Variants in GGCX observed in about 807,000 individuals in gnomAD.
The protein encoded by GGCX is gamma-glutamyl carboxylase.
In GGCX, 63 loss-of-function variants were observed where a neutral mutation model predicts 88.5. That is an observed-to-expected ratio of 0.71 (90% CI 0.58 to 0.88). The LOEUF (loss-of-function observed/expected upper bound fraction) is 0.88. Ranked by LOEUF, GGCX falls within the 40% of genes least tolerant of loss-of-function variation. The pLI, the probability that GGCX is intolerant of heterozygous loss-of-function variation, is 0.00. For synonymous variants in GGCX, 368 were observed against 365.8 expected, an observed-to-expected ratio of 1.01 and a Z score of -0.07; for missense variants, 805 against 932.9, an observed-to-expected ratio of 0.86 and a Z score of 1.79.
At chr2:85,550,787 T>A in intron 13 of GGCX, 37 bp from the exon 14 acceptor site, 1 of 1,597,892 alleles carries the variant, frequency 6.3e-7, no homozygotes, top group Non-Finnish European at 8.6e-7. Context: ...ATCACTGAGA[T>A]GGATCACTCT....
At position 85,560,801 on chromosome 2, in the gene GGCX, T is replaced by C. The variant is rs761943199; in HGVS notation, c.214+14A>G. 3.7e-6 allele frequency: 6 copies of C among 1,609,802 alleles called. No homozygotes were observed. In the Admixed American group the frequency reaches 6.7e-5, roughly 18 times the overall value. ...CTCTCAACCAAATTGCTCCCACCCATAAACTGGACTCACCAAAAAGAAAAC... is the reference window on the plus strand; with the variant it reads ...CTCTCAACCAAATTGCTCCCACCCACAAACTGGACTCACCAAAAAGAAAAC... On this transcript the variant is annotated intron_variant, in intron 2 of 14. Transcript: ENST00000233838.
In GGCX at chr2:85,545,302, T is replaced by TA. The variant is rs1386165700; in HGVS notation, c.*4631dup. 6.6e-6 allele frequency: 1 copy of TA among 152,664 alleles called. No individual in the cohort carries two copies. Among genetic ancestry groups the TA allele is most frequent in the Non-Finnish European group, 1.5e-5 (1 of 68,044 alleles). 9.5% of individuals were successfully genotyped at this position (152,664 alleles called of 1,614,324 possible). ...TTAACTGTGTCTGTTACTCATTTGT[T>TA]AAAGTGCTTTGGGGCCATAGGTACG... On this transcript the variant is annotated 3_prime_UTR_variant, in exon 15 of 15. Transcript: ENST00000233838.
At chr2:85,552,719 G>C in intron 9 of GGCX, 152 bp from the exon 10 acceptor site, 1 of 972,594 alleles carries the variant, frequency 1.0e-6, no homozygotes, top group Non-Finnish European at 1.7e-6. Flanking sequence ...TTTCATTGTT[G>C]GGCTAGTGGT....
intron 6 of GGCX, 91 bp downstream of exon 6, chr2:85,555,393 C>A: frequency 1.3e-6 from 1 of 753,116 alleles, no homozygotes. Context: ...CAAATTCAGG[C>A]AAAGTAGGAA....
intron 2 of GGCX, among the ~76,000 whole-genome samples, chr2:85,559,507 G>A (rs995288458): frequency 6.6e-6 from 1 of 151,998 alleles, no homozygotes; most frequent in African/African-American, 2.4e-5. Context: ...GAGGTTGGGA[G>A]TTCGAAACCA....
Position 85,556,269 on chromosome 2 carries a change from AG to A in GGCX, c.540-10del. ...GCAGACCGTCCACAGACCTACACCG[AG>A]GGAGGTAAACATTGAGGGGGGAGCT... On this transcript the variant is annotated splice_polypyrimidine_tract_variant and intron_variant, in intron 4 of 14. Coordinates refer to ENST00000233838, the MANE Select transcript of GGCX (RefSeq NM_000821.7). 1 of 1,587,522 alleles carries A rather than the reference AG, an allele frequency of 6.3e-7. No homozygotes were observed. Among genetic ancestry groups the A allele is most frequent in the Non-Finnish European group, 8.7e-7 (1 of 1,155,834 alleles).
In GGCX at chr2:85,555,478, A is replaced by G. The variant is rs372601801; in HGVS notation, c.725+6T>C. On this transcript the variant is annotated splice_donor_region_variant and intron_variant, in intron 6 of 14. Coordinates refer to ENST00000233838, the MANE Select transcript of GGCX (RefSeq NM_000821.7). ...CAAAGAGGCCTCCACCATGACTGCC[A>G]CTCACTTGAAGGGACTGAAGAGCCA... 15 of 1,413,080 alleles carry G rather than the reference A, an allele frequency of 1.1e-5. No homozygotes were observed. Among genetic ancestry groups the G allele is most frequent in the Non-Finnish European group, 1.4e-5 (14 of 996,680 alleles). The allele number at this position is 1,413,080 out of a possible 1,614,324, so 87.5% of individuals were successfully genotyped here. A position where few individuals can be genotyped will look rare whatever the true frequency, so the allele number is the denominator to read the frequency against.
Position 85,550,925 on chromosome 2 carries a change from C to T in GGCX, c.1888G>A (p.Glu630Lys). ...ELKEKVENGS[E>K]TGPLPPELQP... The stretch of plus-strand genomic sequence containing the variant: ...TCAGCCCAAATGTTCATACACTCAC[C>T]ACTTCCATTCTCCACCTTTTCCTTT... The change falls in exon 13 of 15, where the codon GAA (glutamate) becomes AAA (lysine). Residue 630 changes from glutamate to lysine, a missense_variant and splice_region_variant. Around this residue, in one of 3 missense-constraint regions of GGCX, gnomAD observed 680 missense variants for 763.7 expected, o/e 0.89. Transcript: ENST00000233838. 6.2e-7 allele frequency: 1 copy of T among 1,614,078 alleles called. No individual in the cohort carries two copies. The highest frequency in any genetic ancestry group is 8.5e-7 in the Non-Finnish European group (1 of 1,179,942).
chr2:85,550,666 G>A lies in GGCX; in HGVS notation c.1973C>T (p.Thr658Ile), dbSNP rs1455165798. The A allele has an allele frequency of 6.2e-7, 1 of 1,613,920 alleles. No individual in the cohort carries two copies. Among genetic ancestry groups the A allele is most frequent in the Admixed American group, 1.7e-5 (1 of 60,034 alleles). Reference protein sequence around the residue: ...GGPEPTPLVQTFLRRQQRLQE... With the variant: ...GGPEPTPLVQIFLRRQQRLQE... Reference sequence around the variant, plus strand: ...GAGCCTTTGTTGGCGTCTAAGAAAGGTCTGAACCAGAGGTGTTGGCTCAGG... The same window carrying A: ...GAGCCTTTGTTGGCGTCTAAGAAAGATCTGAACCAGAGGTGTTGGCTCAGG... Residue 658 changes from threonine (T) to isoleucine (I), a missense_variant, in exon 14 of 15, where the codon ACC becomes ATC. Physicochemically the swap from Thr to Ile is moderately conservative, Grantham distance 89. Around this residue, in one of 3 missense-constraint regions of GGCX, gnomAD observed 680 missense variants for 763.7 expected, o/e 0.89. Coordinates refer to ENST00000233838, the MANE Select transcript of GGCX (RefSeq NM_000821.7).
Position 85,551,967 on chromosome 2 carries a change from C to G in GGCX, c.1454G>C (p.Arg485Pro), listed in dbSNP as rs121909676. 24 of 1,613,714 alleles carry G rather than the reference C, an allele frequency of 1.5e-5. No homozygotes were observed. The highest frequency in any genetic ancestry group is 1.8e-5 in the Non-Finnish European group (21 of 1,179,804). ...DRFQQRIFDP[R>P]VDIVQAAWSP... Reference sequence around the variant, plus strand: ...CCAAGCGGCCTGCACGATGTCCACACGAGGGTCAAAAATCCTTAGGAAAGA... The same window carrying G: ...CCAAGCGGCCTGCACGATGTCCACAGGAGGGTCAAAAATCCTTAGGAAAGA... Residue 485 changes from arginine (R) to proline (P), a missense_variant, in exon 11 of 15, where the codon CGT (arginine) becomes CCT (proline). Arg to Pro is a moderately radical substitution (Grantham distance 103). Coordinates refer to ENST00000233838, the MANE Select transcript of GGCX (RefSeq NM_000821.7).
rs1692039184 is a variant in GGCX, at chr2:85,553,073, G to A, written c.1156-3C>T. The A allele has an allele frequency of 6.2e-7, 1 of 1,614,054 alleles. No individual in the cohort carries two copies. Among genetic ancestry groups the A allele is most frequent in the Admixed American group, 1.7e-5 (1 of 60,000 alleles). ...CCATTTGTCCAGTTGTTATAGCCCT[G>A]GGAAGGCAGCACAGAGGGGAATCAG... On this transcript the variant is annotated splice_polypyrimidine_tract_variant and splice_region_variant and intron_variant, in intron 8 of 14. Coordinates refer to ENST00000233838, the MANE Select transcript of GGCX (RefSeq NM_000821.7).
Position 85,546,487 on chromosome 2 carries a change from C to CG in GGCX, c.*3446dup, listed in dbSNP as rs1558801023. 8.4e-6 allele frequency: 1 copy of CG among 119,636 alleles called. No homozygotes were observed. The highest frequency in any genetic ancestry group is 1.9e-5 in the Non-Finnish European group (1 of 52,760). 7.4% of individuals were successfully genotyped at this position (119,636 alleles called of 1,614,324 possible). Reference sequence around the variant, plus strand: ...ATCCCAGCACTTTGGGAGGCTAATGCGGGTGGATCACCTGAGGTCACGGTT... The same window carrying CG: ...ATCCCAGCACTTTGGGAGGCTAATGCGGGGTGGATCACCTGAGGTCACGGTT... On this transcript the variant is annotated 3_prime_UTR_variant, in exon 15 of 15. Coordinates refer to ENST00000233838, the MANE Select transcript of GGCX (RefSeq NM_000821.7).
rs121909675 is a variant in GGCX at position 85,553,045 on chromosome 2, A to C, written c.1181T>G (p.Leu394Arg). 3.7e-6 allele frequency: 6 copies of C among 1,614,078 alleles called. No homozygotes were observed. Among genetic ancestry groups the C allele is most frequent in the African/African-American group, 1.3e-5 (1 of 74,944 alleles). The change falls in exon 9 of 15, where the codon CTG (leucine) becomes CGG (arginine). Residue 394 changes from leucine (L) to arginine (R), a missense_variant. Around this residue, in one of 3 missense-constraint regions of GGCX, gnomAD observed 680 missense variants for 763.7 expected, o/e 0.89. Coordinates refer to ENST00000233838, the MANE Select transcript of GGCX (RefSeq NM_000821.7). Reference sequence around the variant, plus strand: ...CATCATGTCCCAGGAATAGCCATACAGCCCATTTGTCCAGTTGTTATAGCC... The same window carrying C: ...CATCATGTCCCAGGAATAGCCATACCGCCCATTTGTCCAGTTGTTATAGCC... Reference protein sequence around the residue: ...TQGYNNWTNGLYGYSWDMMVH... With the variant: ...TQGYNNWTNGRYGYSWDMMVH...
rs377575518 is a variant in GGCX, at chr2:85,555,600, A to G, written c.619-10T>C. On this transcript the variant is annotated splice_polypyrimidine_tract_variant and intron_variant, in intron 5 of 14. Transcript: ENST00000233838. ...AGTACACAATGAAGATCTGAAAATAAAATGTGACACAAAGTTCAAGCAAAA... is the reference window on the plus strand; with the variant it reads ...AGTACACAATGAAGATCTGAAAATAGAATGTGACACAAAGTTCAAGCAAAA... 6 of 1,413,692 alleles carry G rather than the reference A, an allele frequency of 4.2e-6. No individual in the cohort carries two copies. In the African/African-American group the frequency reaches 8.4e-5, roughly 20 times the overall value. The allele number at this position is 1,413,692 out of a possible 1,614,324, so 87.6% of individuals were successfully genotyped here.
chr2:85,550,622 G>A lies in GGCX; in HGVS notation c.2017C>T (p.Arg673Ter), dbSNP rs750767043. 3.2e-5 allele frequency: 51 copies of A among 1,613,796 alleles called. No individual in the cohort carries two copies. The highest frequency in any genetic ancestry group is 4.0e-5 in the Non-Finnish European group (47 of 1,179,806). ...QQRLQEIERR[R>*]NTPFHERFFR... is the part of the protein sequence containing the mutation. ...AATCGCTCATGGAAAGGAGTATTTC[G>A]CCGGCGTTCAATCTCCTGGAGCCTT... Residue 673 changes from arginine to a stop codon, truncating the protein, a stop_gained, in exon 14 of 15, where the codon CGA (arginine) becomes TGA (stop). Coordinates refer to ENST00000233838, the MANE Select transcript of GGCX (RefSeq NM_000821.7). LOFTEE classifies it high-confidence loss of function.
At position 85,546,206 on chromosome 2, in the gene GGCX, T is replaced by G. The variant is rs754678680; in HGVS notation, c.*3728A>C. 2 of 152,236 alleles carry G rather than the reference T, an allele frequency of 1.3e-5. No individual in the cohort carries two copies. Among genetic ancestry groups the G allele is most frequent in the East Asian group, 1.9e-4 (1 of 5,208 alleles). 9.4% of individuals were successfully genotyped at this position (152,236 alleles called of 1,614,324 possible). ...GCGTGAGCCTATAATCCTAGCACTT[T>G]GGGAGGCCAAGGCATGCAGATCACG... On this transcript the variant is annotated 3_prime_UTR_variant, in exon 15 of 15. Transcript: ENST00000233838.
rs758712960 is a variant in GGCX at position 85,550,539 on chromosome 2, A to G, written c.2084+16T>C. On this transcript the variant is annotated intron_variant, in intron 14 of 14. Transcript: ENST00000233838. ...CCAACATATGATGGCAATGACAAAT[A>G]TTGTTGTGAACTTACCTGCGGCGAA... 1.9e-6 allele frequency: 3 copies of G among 1,596,436 alleles called. No individual in the cohort carries two copies. Among genetic ancestry groups the G allele is most frequent in the African/African-American group, 1.3e-5 (1 of 74,548 alleles).
At position 85,550,931 on chromosome 2, in the gene GGCX, C is replaced by T; in HGVS notation, c.1882G>A (p.Gly628Arg). The change falls in exon 13 of 15, where the codon GGA becomes AGA. Residue 628 changes from glycine to arginine, a missense_variant. Physicochemically the swap from Gly to Arg is moderately radical, Grantham distance 125 (BLOSUM62 -2). Coordinates refer to ENST00000233838, the MANE Select transcript of GGCX (RefSeq NM_000821.7). The part of the protein sequence containing the change: ...LQELKEKVEN[G>R]SETGPLPPEL... ...CAAATGTTCATACACTCACCACTTC[C>T]ATTCTCCACCTTTTCCTTTAATTCT... The T allele has an allele frequency of 1.2e-6, 2 of 1,614,188 alleles. No homozygotes were observed. The highest frequency in any genetic ancestry group is 1.7e-6 in the Non-Finnish European group (2 of 1,180,008).
chr2:85,560,989 C>A lies in GGCX; in HGVS notation c.44-4G>T, dbSNP rs1200079785. 1 of 1,611,002 alleles carries A rather than the reference C, an allele frequency of 6.2e-7. No individual in the cohort carries two copies. The highest frequency in any genetic ancestry group is 1.7e-5 in the Admixed American group (1 of 60,014). On this transcript the variant is annotated splice_region_variant and splice_polypyrimidine_tract_variant and intron_variant, in intron 1 of 14. Coordinates refer to ENST00000233838, the MANE Select transcript of GGCX (RefSeq NM_000821.7). ...GCCTTGTCTTTCTGTACTTTATCTG[C>A]AATCAATAAATGGAGAAAATATGTG...
Sources: allele counts gnomAD v4.1 joint callset (sites outside exome capture counted in the v4.1 genomes callset), GRCh38; gene constraint gnomAD v4.1.1; regional missense constraint gnomAD v4.1.1; transcripts MANE v1.5; gene names NCBI Gene and HGNC (gene_info 2026-07-23, HGNC 2026-07-21).